PHLPP1: variants seen among roughly 807,000 people sequenced by gnomAD.
The protein encoded by PHLPP1 is PH domain leucine-rich repeat-containing protein phosphatase 1.
In PHLPP1, 42 loss-of-function variants were observed where a neutral mutation model predicts 117.2. The ratio of observed to expected loss-of-function variants is 0.36; its 90% confidence interval spans 0.28 to 0.46. PHLPP1 has a LOEUF of 0.46. Ranked by LOEUF, PHLPP1 falls within the 20% of genes least tolerant of loss-of-function variation. The pLI, the probability that PHLPP1 is intolerant of heterozygous loss-of-function variation, is 1.00. For synonymous variants in PHLPP1, 1,042 were observed against 970.7 expected, an observed-to-expected ratio of 1.07 and a Z score of -1.37; for missense variants, 2,084 against 2,241.9, an observed-to-expected ratio of 0.93 and a Z score of 1.42.
chr18:62,783,218 C>CTTTTTTTTTTTT (rs528614480), intron 1 of PHLPP1, among the ~76,000 whole-genome samples: 4 of 132,148 alleles, frequency 3.0e-5, no homozygotes, highest in African/African-American at 1.1e-4. Flanking sequence ...ACAAGCCTTT[C>CTTTTTTTTTTTT]TTTTTTTTTT....
intron 1 of PHLPP1, among the ~76,000 whole-genome samples, chr18:62,735,182 C>A (rs1281109028): frequency 6.6e-6 from 1 of 151,916 alleles, no homozygotes; most frequent in Admixed American, 6.6e-5. Context: ...GTGGCTGGGA[C>A]TACAGGTGCA....
In PHLPP1 at chr18:62,830,464, A is replaced by G. The variant is rs549223357; in HGVS notation, c.1773+233A>G. 1.8e-3 allele frequency among the ~76,000 whole-genome samples: 270 copies of G among 152,200 alleles called. 1 individual carries two copies. The highest frequency in any genetic ancestry group is 2.8e-3 in the Admixed American group (43 of 15,280). On this transcript the variant is annotated intron_variant, in intron 2 of 16. Transcript: ENST00000262719. ...GGCTGGTCTTGAACTCCTGACCTCA[A>G]GTGATCTGCCCACCTCGGCCTCCCA...
At chr18:62,920,985 G>A (rs1909450696) in intron 10 of PHLPP1, among the ~76,000 whole-genome samples, 1 of 152,224 alleles carries the variant, frequency 6.6e-6, no homozygotes, top group African/African-American at 2.4e-5. Context: ...AGCATTTGAA[G>A]TTGTTTTGAA....
intron 1 of PHLPP1, among the ~76,000 whole-genome samples, chr18:62,806,998 A>G (rs998965314): frequency 6.6e-6 from 1 of 152,150 alleles, no homozygotes; most frequent in South Asian, 2.1e-4. Context: ...TAGTTTAAAA[A>G]TTTTTTATAA....
At chr18:62,959,002 A>T (rs1041964801) in intron 13 of PHLPP1, among the ~76,000 whole-genome samples, 1 of 152,244 alleles carries the variant, frequency 6.6e-6, no homozygotes, top group Non-Finnish European at 1.5e-5. Flanking sequence ...TTTAAAAGAG[A>T]TGGATGATGT....
intron 3 of PHLPP1, among the ~76,000 whole-genome samples, chr18:62,842,539 T>A (rs916461930): frequency 6.6e-6 from 1 of 151,864 alleles, no homozygotes; most frequent in Non-Finnish European, 1.5e-5. Context: ...TTTTTTTGTA[T>A]TTTTAGTAGA....
chr18:62,766,103 A>ATAT lies in PHLPP1; in HGVS notation c.1576+48844_1576+48845insTAT, dbSNP rs1491171718. ...TATATATATATATATATATATATAT[A>ATAT]AAATATATATATATTTGTACAGAAA... On this transcript the variant is annotated intron_variant, in intron 1 of 16. Transcript: ENST00000262719. Among the ~76,000 whole-genome samples, 202 of 53,280 alleles carry ATAT rather than the reference A, an allele frequency of 3.8e-3. 7 individuals are homozygous for ATAT. The highest frequency in any genetic ancestry group is 6.4e-3 in the Non-Finnish European group (161 of 25,126). The allele number at this position is 53,280 out of a possible 152,430, so 35.0% of individuals were successfully genotyped here. A position where few individuals can be genotyped will look rare whatever the true frequency, so the allele number is the denominator to read the frequency against.
intron 1 of PHLPP1, among the ~76,000 whole-genome samples, chr18:62,786,154 G>GT (rs1036640711): frequency 3.3e-5 from 5 of 152,228 alleles, no homozygotes; most frequent in Non-Finnish European, 5.9e-5. Context: ...ATAGGCGTCT[G>GT]TGGCTAATGC....
At chr18:62,867,278 T>C (rs1242169764) in intron 4 of PHLPP1, among the ~76,000 whole-genome samples, 1 of 152,186 alleles carries the variant, frequency 6.6e-6, no homozygotes, top group Non-Finnish European at 1.5e-5. Context: ...TTTTTCATTA[T>C]TGGACATTAT....
chr18:62,797,179 G>A (rs1163358863), intron 1 of PHLPP1, among the ~76,000 whole-genome samples: 1 of 152,132 alleles, frequency 6.6e-6, no homozygotes, highest in African/African-American at 2.4e-5. Context: ...TTATTCTTCT[G>A]TAACCAAAAC....
At chr18:62,853,047 T>C (rs1220497749) in intron 3 of PHLPP1, among the ~76,000 whole-genome samples, 1 of 152,160 alleles carries the variant, frequency 6.6e-6, no homozygotes, top group Non-Finnish European at 1.5e-5. Flanking sequence ...AGAAATGACT[T>C]AGGAAAGTGT....
chr18:62,787,015 G>A (rs1017013445), intron 1 of PHLPP1, among the ~76,000 whole-genome samples: 29 of 152,188 alleles, frequency 1.9e-4, no homozygotes, highest in African/African-American at 6.0e-4. Flanking sequence ...CCTCTAAAGC[G>A]TGCATGCATT....
intron 3 of PHLPP1, among the ~76,000 whole-genome samples, chr18:62,858,565 G>A (rs1915555912): frequency 6.6e-6 from 1 of 152,074 alleles, no homozygotes; most frequent in Non-Finnish European, 1.5e-5. Flanking sequence ...ACCTGATCTA[G>A]CAGAACATAT....
At chr18:62,925,158 G>A (rs1909588218) in intron 10 of PHLPP1, among the ~76,000 whole-genome samples, 1 of 152,132 alleles carries the variant, frequency 6.6e-6, no homozygotes, top group African/African-American at 2.4e-5. Context: ...GGTCACCGGA[G>A]TGGATGAGAC....
chr18:62,810,940 A>G (rs921643710), intron 1 of PHLPP1, among the ~76,000 whole-genome samples: 1 of 152,222 alleles, frequency 6.6e-6, no homozygotes, highest in East Asian at 1.9e-4. Flanking sequence ...TACAGACATA[A>G]TTAGTTAAGA....
intron 15 of PHLPP1, 139 bp from the exon 16 acceptor site, chr18:62,975,258 G>A: frequency 6.3e-6 from 4 of 639,890 alleles, no homozygotes; most frequent in Non-Finnish European, 1.1e-5. Flanking sequence ...AGCAGTGTGT[G>A]CTTTGATGAA....
At chr18:62,819,948 A>G (rs1164322716) in intron 1 of PHLPP1, among the ~76,000 whole-genome samples, 1 of 152,196 alleles carries the variant, frequency 6.6e-6, no homozygotes, top group Non-Finnish European at 1.5e-5. Context: ...GTGCCTGGCC[A>G]AGAAACCCAT....
rs747115088 is a variant in PHLPP1 at position 62,732,114 on chromosome 18, G to C, written c.1576+14855G>C. On this transcript the variant is annotated intron_variant, in intron 1 of 16. Coordinates refer to ENST00000262719, the MANE Select transcript of PHLPP1 (RefSeq NM_194449.4). ...CTCGCTAAGATCATTGATGAAGGCA[G>C]CTACACCAAGTGACAGATTTTCAGT... Among the ~76,000 whole-genome samples the C allele has an allele frequency of 2.6e-5, 4 of 152,226 alleles. No individual in the cohort carries two copies. The East Asian group carries it at 5.8e-4, about 22-fold the overall frequency.
At chr18:62,729,065 G>GA (rs1911158222) in intron 1 of PHLPP1, among the ~76,000 whole-genome samples, 2 of 152,238 alleles carry the variant, frequency 1.3e-5, no homozygotes, top group African/African-American at 4.8e-5. Context: ...TTAATTCCCA[G>GA]AAAAAATGAA....
Sources: allele counts gnomAD v4.1 joint callset (sites outside exome capture counted in the v4.1 genomes callset), GRCh38; gene constraint gnomAD v4.1.1; transcripts MANE v1.5; gene names NCBI Gene and HGNC (gene_info 2026-07-23, HGNC 2026-07-21).